CCND1: variants seen among roughly 807,000 people sequenced by gnomAD.
CCND1 encodes cyclin D1.
Under a neutral mutation model 26.1 loss-of-function variants are expected in CCND1, and 9 were observed. That is an observed-to-expected ratio of 0.35 (90% CI 0.21 to 0.60). CCND1 has a LOEUF of 0.60. CCND1 is among the 20% of genes least tolerant of loss of function. The pLI is 0.79. For synonymous variants in CCND1, 194 were observed against 166.1 expected, an observed-to-expected ratio of 1.17 and a Z score of -1.29; for missense variants, 335 against 392.9, an observed-to-expected ratio of 0.85 and a Z score of 1.25.
At position 69,654,471 on chromosome 11, in the gene CCND1, C is replaced by A. The variant is rs920305726; in HGVS notation, c.*3189C>A. The A allele has an allele frequency of 1.2e-5, 8 of 645,742 alleles. No homozygotes were observed. Among genetic ancestry groups the A allele is most frequent in the Non-Finnish European group, 1.7e-5 (6 of 354,666 alleles). The allele number at this position is 645,742 out of a possible 1,614,324, so 40.0% of individuals were successfully genotyped here. A position where few individuals can be genotyped will look rare whatever the true frequency, so the allele number is the denominator to read the frequency against. On this transcript the variant is annotated 3_prime_UTR_variant, in exon 5 of 5. Coordinates refer to ENST00000227507, the MANE Select transcript of CCND1 (RefSeq NM_053056.3). The surrounding 1 kb of genome is among the most constrained non-coding windows in gnomAD (Gnocchi z 6.3). ...AGTCTAGAAATAAAACTGGTAAAAC[C>A]CCAGCGTGGTGCCTGCCTCTTTGCT...
At chr11:69,645,338 C>A (rs1387539624) in intron 3 of CCND1, among the ~76,000 whole-genome samples, 1 of 152,196 alleles carries the variant, frequency 6.6e-6, no homozygotes, top group Non-Finnish European at 1.5e-5. Flanking sequence ...TCTTGCACAG[C>A]CTCCCTACAG....
chr11:69,654,373 T>G lies in CCND1; in HGVS notation c.*3091T>G. On this transcript the variant is annotated 3_prime_UTR_variant, in exon 5 of 5. Transcript: ENST00000227507. The surrounding 1 kb of genome is among the most constrained non-coding windows in gnomAD (Gnocchi z 6.3). ...GCGGCTGGGTCTGTGCATTTCTGGT[T>G]GCACCGCGGCGCTTCCCAGCACCAA... The G allele has an allele frequency of 1.4e-6, 1 of 702,058 alleles. No individual in the cohort carries two copies. The highest frequency in any genetic ancestry group is 1.5e-5 in the South Asian group (1 of 67,576). 43.5% of individuals were successfully genotyped at this position (702,058 alleles called of 1,614,324 possible).
chr11:69,641,293 T>C lies in CCND1; in HGVS notation c.-21T>C, dbSNP rs757441530. The C allele has an allele frequency of 6.2e-7, 1 of 1,606,588 alleles. No individual in the cohort carries two copies. Among genetic ancestry groups the C allele is most frequent in the Non-Finnish European group, 8.5e-7 (1 of 1,178,656 alleles). ...GCCAGGACCCACAGCCCTCCCCAGC[T>C]GCCCAGGAAGAGCCCCAGCCATGGA... On this transcript the variant is annotated 5_prime_UTR_variant, in exon 1 of 5. Coordinates refer to ENST00000227507, the MANE Select transcript of CCND1 (RefSeq NM_053056.3).
At position 69,643,266 on chromosome 11, in the gene CCND1, G is replaced by A; in HGVS notation, c.414+20G>A. 6.6e-7 allele frequency: 1 copy of A among 1,518,096 alleles called. No homozygotes were observed. Among genetic ancestry groups the A allele is most frequent in the Non-Finnish European group, 8.9e-7 (1 of 1,125,636 alleles). The allele number at this position is 1,518,096 out of a possible 1,614,324, so 94.0% of individuals were successfully genotyped here. A position where few individuals can be genotyped will look rare whatever the true frequency, so the allele number is the denominator to read the frequency against. On this transcript the variant is annotated intron_variant, in intron 2 of 4. Coordinates refer to ENST00000227507, the MANE Select transcript of CCND1 (RefSeq NM_053056.3). Reference sequence around the variant, plus strand: ...CTGCTGGTAACCACTGGACCCCGCCGCCCCCCGCCCCCCGCGAGCCGCACG... The same window carrying A: ...CTGCTGGTAACCACTGGACCCCGCCACCCCCCGCCCCCCGCGAGCCGCACG...
chr11:69,652,779 T>TACAC lies in CCND1; in HGVS notation c.*1519_*1522dup, dbSNP rs10640302. On this transcript the variant is annotated 3_prime_UTR_variant, in exon 5 of 5. Coordinates refer to ENST00000227507, the MANE Select transcript of CCND1 (RefSeq NM_053056.3). ...TCTCCCCTTGATTTAAACACACAGA[T>TACAC]ACACACACACACACACACACACACA... 18,417 of 227,342 alleles carry TACAC rather than the reference T, an allele frequency of 0.081. 621 individuals are homozygous for TACAC. Among genetic ancestry groups the TACAC allele is most frequent in the African/African-American group, 0.13 (5,841 of 44,794 alleles). 14.1% of individuals were successfully genotyped at this position (227,342 alleles called of 1,614,324 possible). A position where few individuals can be genotyped will look rare whatever the true frequency, so the allele number is the denominator to read the frequency against.
intron 4 of CCND1, among the ~76,000 whole-genome samples, chr11:69,650,380 C>T (rs1855838969): frequency 6.6e-6 from 1 of 152,258 alleles, no homozygotes. Flanking sequence ...GATTTCACGG[C>T]TGCTCTTTCC....
chr11:69,646,031 C>T (rs1195357849), intron 3 of CCND1, among the ~76,000 whole-genome samples: 1 of 152,178 alleles, frequency 6.6e-6, no homozygotes, highest in Non-Finnish European at 1.5e-5. Context: ...TGGGTGGCTC[C>T]TAATCTAAGC....
chr11:69,647,599 G>A (rs1855799401), intron 3 of CCND1, among the ~76,000 whole-genome samples: 1 of 152,218 alleles, frequency 6.6e-6, no homozygotes, highest in African/African-American at 2.4e-5. Flanking sequence ...GGTCATAGAA[G>A]CGACATCTCT....
chr11:69,648,347 C>T (rs1001860592), intron 4 of CCND1: 5 of 586,794 alleles, frequency 8.5e-6, no homozygotes, highest in Non-Finnish European at 1.5e-5. Flanking sequence ...GCTGGGAGGT[C>T]CTCACAGCCT....
intron 3 of CCND1, among the ~76,000 whole-genome samples, chr11:69,645,395 G>T (rs1247695813): frequency 6.6e-6 from 1 of 152,206 alleles, no homozygotes; most frequent in African/African-American, 2.4e-5. Context: ...CTGGGTGCTA[G>T]TGGGAGGCAG....
intron 3 of CCND1, among the ~76,000 whole-genome samples, chr11:69,644,585 C>A (rs1009639488): frequency 2.0e-5 from 3 of 152,196 alleles, no homozygotes; most frequent in Admixed American, 6.5e-5. Flanking sequence ...TGAGGGGGCG[C>A]TTCAGAGCAC....
intron 3 of CCND1, 36 bp downstream of exon 3, chr11:69,644,027 A>T (rs571389626): frequency 6.2e-7 from 1 of 1,609,436 alleles, no homozygotes; most frequent in African/African-American, 1.3e-5. Flanking sequence ...CCTCCCCTTG[A>T]GAGCCGGCTC....
In CCND1 at chr11:69,643,060, G is replaced by C. The variant is rs746530862; in HGVS notation, c.228G>C (p.Glu76Asp). Residue 76 changes from glutamate to aspartate, a missense_variant, in exon 2 of 5, where the codon GAG (glutamate) becomes GAC (aspartate). By Grantham distance (45) the Glu-to-Asp change is conservative. Transcript: ENST00000227507. ...GCGAGGAACAGAAGTGCGAGGAGGA[G>C]GTCTTCCCGCTGGCCATGAACTACC... ...EVCEEQKCEE[E>D]VFPLAMNYLD... The C allele has an allele frequency of 1.2e-6, 2 of 1,606,644 alleles. No individual in the cohort carries two copies. The highest frequency in any genetic ancestry group is 2.2e-5 in the South Asian group (2 of 90,062).
rs895472191 is a variant in CCND1, at chr11:69,653,990, T to C, written c.*2708T>C. On this transcript the variant is annotated 3_prime_UTR_variant, in exon 5 of 5. Coordinates refer to ENST00000227507, the MANE Select transcript of CCND1 (RefSeq NM_053056.3). ...AAATCTCAATGAAGCCAGCTCACAG[T>C]GCTGTGTGCCCCGGTCACCTAGCAA... 1.7e-6 allele frequency: 1 copy of C among 595,420 alleles called. No homozygotes were observed. 36.9% of individuals were successfully genotyped at this position (595,420 alleles called of 1,614,324 possible).
intron 2 of CCND1, 177 bp downstream of exon 2, chr11:69,643,423 T>A: frequency 1.9e-6 from 1 of 518,970 alleles, no homozygotes; most frequent in Non-Finnish European, 3.3e-6. Flanking sequence ...CTAGCCGCCC[T>A]CGTCCCGCCG....
intron 3 of CCND1, among the ~76,000 whole-genome samples, chr11:69,647,326 G>A (rs1424789105): frequency 6.6e-6 from 1 of 152,124 alleles, no homozygotes; most frequent in Non-Finnish European, 1.5e-5. Context: ...ATGGGTTGCT[G>A]GAAGAGCTCT....
Position 69,653,596 on chromosome 11 carries a change from C to G in CCND1, c.*2314C>G. On this transcript the variant is annotated 3_prime_UTR_variant, in exon 5 of 5. Transcript: ENST00000227507. Reference sequence around the variant, plus strand: ...CGATCCCACACAGGCTGGCGGGGGCCGGCCCCGAGGCCGCGTGCGTGAGAA... The same window carrying G: ...CGATCCCACACAGGCTGGCGGGGGCGGGCCCCGAGGCCGCGTGCGTGAGAA... 1 of 491,998 alleles carries G rather than the reference C, an allele frequency of 2.0e-6. No individual in the cohort carries two copies. Among genetic ancestry groups the G allele is most frequent in the Non-Finnish European group, 3.6e-6 (1 of 279,146 alleles). The allele number at this position is 491,998 out of a possible 1,614,324, so 30.5% of individuals were successfully genotyped here. A position where few individuals can be genotyped will look rare whatever the true frequency, so the allele number is the denominator to read the frequency against.
chr11:69,652,601 GT>G lies in CCND1; in HGVS notation c.*1322del, dbSNP rs1855868407. The G allele has an allele frequency of 4.3e-6, 1 of 233,128 alleles. No individual in the cohort carries two copies. The highest frequency in any genetic ancestry group is 5.6e-5 in the Admixed American group (1 of 17,776). 14.4% of individuals were successfully genotyped at this position (233,128 alleles called of 1,614,324 possible). ...GTGTTTGAAAGTAGGGACCTCAGAG[GT>G]TTACCTAGAGAACAGGTGGTTTTTA... On this transcript the variant is annotated 3_prime_UTR_variant, in exon 5 of 5. Coordinates refer to ENST00000227507, the MANE Select transcript of CCND1 (RefSeq NM_053056.3).
chr11:69,651,604 A>T lies in CCND1; in HGVS notation c.*322A>T. Reference sequence around the variant, plus strand: ...ATACCCCAATAATCAACTCGTTTTTATATTAATGTACTTGTTTCTCTGTTG... The same window carrying T: ...ATACCCCAATAATCAACTCGTTTTTTTATTAATGTACTTGTTTCTCTGTTG... On this transcript the variant is annotated 3_prime_UTR_variant, in exon 5 of 5. Transcript: ENST00000227507. 3.5e-6 allele frequency: 1 copy of T among 283,070 alleles called. No homozygotes were observed. Among genetic ancestry groups the T allele is most frequent in the East Asian group, 5.3e-5 (1 of 18,958 alleles). The allele number at this position is 283,070 out of a possible 1,614,324, so 17.5% of individuals were successfully genotyped here.
Sources: gnomAD v4.1 joint callset for allele counts (sites outside exome capture counted in the v4.1 genomes callset) on GRCh38, gnomAD v4.1.1 for gene constraint, Gnocchi (gnomAD v3.1) non-coding constraint, MANE v1.5 for transcripts, NCBI Gene and HGNC (gene_info 2026-07-23, HGNC 2026-07-21) for gene names.